Variants in ERGIC1 observed in about 807,000 individuals in gnomAD.
ERGIC1 encodes endoplasmic reticulum-Golgi intermediate compartment protein 1.
In ERGIC1, 19 loss-of-function variants were observed where a neutral mutation model predicts 38.3. The ratio of observed to expected loss-of-function variants is 0.50; its 90% confidence interval spans 0.35 to 0.73. The LOEUF is 0.73. ERGIC1 is among the 30% of genes least tolerant of loss of function. The probability of loss-of-function intolerance (pLI) is 0.01; values close to 1 mark genes in which losing one functional copy is unlikely to be tolerated. For missense variants in ERGIC1, 294 were observed against 389.2 expected (o/e 0.76, Z 2.06); for synonymous variants, 124 against 157.6 (o/e 0.79, Z 1.60).
At chr5:172,873,325 C>T (rs1025996254) in intron 1 of ERGIC1, among the ~76,000 whole-genome samples, 10 of 152,232 alleles carry the variant, frequency 6.6e-5, no homozygotes, top group Non-Finnish European at 8.8e-5. Context: ...CCTTGACAAG[C>T]GGGAAGCCTG....
intron 1 of ERGIC1, among the ~76,000 whole-genome samples, chr5:172,852,503 G>T (rs532294721): frequency 3.5e-4 from 53 of 152,336 alleles, no homozygotes; most frequent in African/African-American, 1.3e-3. Context: ...AGAGACCAGT[G>T]ATTAAGAGCT....
intron 9 of ERGIC1, among the ~76,000 whole-genome samples, chr5:172,950,411 C>G (rs981273224): frequency 6.6e-6 from 1 of 152,212 alleles, no homozygotes; most frequent in African/African-American, 2.4e-5. Context: ...CCTCAGTTTC[C>G]TCCGCTGTGA....
At position 172,914,444 on chromosome 5, in the gene ERGIC1, C is replaced by T. The variant is rs147659921; in HGVS notation, c.251-270C>T. ...ACTGAGGCATCCAGAGGTTAAGTAC[C>T]TGAGGCAGGACCCAGATTCAGAGGA... On this transcript the variant is annotated intron_variant, in intron 4 of 9. Transcript: ENST00000393784. 2.8e-3 allele frequency: 1,536 copies of T among 556,364 alleles called. 20 individuals are homozygous for T. Among genetic ancestry groups the T allele is most frequent in the East Asian group, 9.0e-3 (288 of 31,994 alleles). 34.5% of individuals were successfully genotyped at this position (556,364 alleles called of 1,614,324 possible).
At chr5:172,895,868 T>G (rs1270963730) in intron 2 of ERGIC1, among the ~76,000 whole-genome samples, 6 of 151,408 alleles carry the variant, frequency 4.0e-5, no homozygotes, top group Non-Finnish European at 8.8e-5. Context: ...TTGTGGGGAG[T>G]GTCAGGAGAT....
At chr5:172,944,607 C>G (rs891089717) in intron 9 of ERGIC1, among the ~76,000 whole-genome samples, 16 of 152,266 alleles carry the variant, frequency 1.1e-4, no homozygotes, top group Non-Finnish European at 1.9e-4. Context: ...GATCCACCCA[C>G]CTCGGCCTCC....
intron 2 of ERGIC1, among the ~76,000 whole-genome samples, 167 bp downstream of exon 2, chr5:172,888,927 C>G (rs1479782248): frequency 6.6e-6 from 1 of 152,194 alleles, no homozygotes; most frequent in East Asian, 1.9e-4. Flanking sequence ...CACTTACTCT[C>G]TATCCTCACT....
intron 1 of ERGIC1, among the ~76,000 whole-genome samples, chr5:172,882,876 A>G (rs1161384657): frequency 2.0e-5 from 3 of 152,140 alleles, no homozygotes; most frequent in Non-Finnish European, 4.4e-5. Context: ...TCAGGTGCCT[A>G]CAAGGACCAG....
intron 1 of ERGIC1, 70 bp from the exon 2 acceptor site, chr5:172,888,629 C>A: frequency 8.1e-7 from 1 of 1,237,052 alleles, no homozygotes; most frequent in Non-Finnish European, 1.2e-6. Flanking sequence ...CACAAGCCAG[C>A]ACCACTGCCT....
chr5:172,884,929 G>A (rs1367712225), intron 1 of ERGIC1, among the ~76,000 whole-genome samples: 3 of 151,942 alleles, frequency 2.0e-5, no homozygotes, highest in Admixed American at 2.0e-4. Flanking sequence ...TTCCCTGACA[G>A]TGAGGCACCT....
chr5:172,834,356 C>A lies in ERGIC1; in HGVS notation c.-58C>A. 8.0e-7 allele frequency: 1 copy of A among 1,251,694 alleles called. No homozygotes were observed. Among genetic ancestry groups the A allele is most frequent in the Non-Finnish European group, 1.0e-6 (1 of 998,208 alleles). The allele number at this position is 1,251,694 out of a possible 1,614,324, so 77.5% of individuals were successfully genotyped here. On this transcript the variant is annotated 5_prime_UTR_variant, in exon 1 of 10. Transcript: ENST00000393784. This position sits in a 1 kb window ranked among gnomAD's most constrained non-coding sequence, Gnocchi z 4.1. ...AGGAGGCGTTGGCAGCGGGCTCGGA[C>A]CCACGCGGCGCCGCGGCCCGCCTGG...
At chr5:172,905,799 A>G (rs992790641) in intron 3 of ERGIC1, among the ~76,000 whole-genome samples, 1 of 152,214 alleles carries the variant, frequency 6.6e-6, no homozygotes, top group African/African-American at 2.4e-5. Flanking sequence ...GAACTCCCAT[A>G]CAAAGGAGGG....
chr5:172,935,054 G>A, intron 8 of ERGIC1, 134 bp from the exon 9 acceptor site: 1 of 1,286,978 alleles, frequency 7.8e-7, no homozygotes, highest in East Asian at 2.3e-5. Flanking sequence ...AGAGGGAGTG[G>A]GGGAGTCTGG....
In ERGIC1 at chr5:172,837,077, C is replaced by T. The variant is rs1761054874; in HGVS notation, c.20+2644C>T. On this transcript the variant is annotated intron_variant, in intron 1 of 9. Coordinates refer to ENST00000393784, the MANE Select transcript of ERGIC1 (RefSeq NM_001031711.3). This position sits in a 1 kb window ranked among gnomAD's most constrained non-coding sequence, Gnocchi z 4.3. Reference sequence around the variant, plus strand: ...ATTGTGGGGAGTGGAGAGGGGTATACCGTGATTAGACCTCCTCCCCCAGTT... The same window carrying T: ...ATTGTGGGGAGTGGAGAGGGGTATATCGTGATTAGACCTCCTCCCCCAGTT... 6.6e-6 allele frequency among the ~76,000 whole-genome samples: 1 copy of T among 152,084 alleles called. No individual in the cohort carries two copies. Among genetic ancestry groups the T allele is most frequent in the Admixed American group, 6.6e-5 (1 of 15,256 alleles).
At chr5:172,928,357 C>T (rs1374721901) in intron 7 of ERGIC1, among the ~76,000 whole-genome samples, 1 of 152,210 alleles carries the variant, frequency 6.6e-6, no homozygotes, top group Admixed American at 6.5e-5. Context: ...CTCCCAAGCT[C>T]AGTCCCTGGC....
At chr5:172,840,193 G>C (rs1561696866) in intron 1 of ERGIC1, among the ~76,000 whole-genome samples, 2 of 152,226 alleles carry the variant, frequency 1.3e-5, no homozygotes, top group East Asian at 3.9e-4. Flanking sequence ...AGAGCATCAT[G>C]TTTACCTGCT....
chr5:172,893,952 T>C, intron 2 of ERGIC1, among the ~76,000 whole-genome samples: 2 of 124,110 alleles, frequency 1.6e-5, no homozygotes, highest in African/African-American at 6.1e-5. Context: ...TATATATATA[T>C]ATTTAAATGT....
intron 1 of ERGIC1, among the ~76,000 whole-genome samples, chr5:172,840,184 G>A (rs1761126480): frequency 6.6e-6 from 1 of 152,140 alleles, no homozygotes; most frequent in African/African-American, 2.4e-5. Flanking sequence ...TTCCAGCTTA[G>A]AGCATCATGT....
rs370041446 is a variant in ERGIC1, at chr5:172,893,703, A to G, written c.83-3299A>G. The stretch of plus-strand genomic sequence containing the variant: ...CTGATCTCTTCCAGTGGATTTGTTC[A>G]GCAGCTGGAGAAAACAATTTGAAAT... On this transcript the variant is annotated intron_variant, in intron 2 of 9. Transcript: ENST00000393784. Among the ~76,000 whole-genome samples, 11 of 151,584 alleles carry G rather than the reference A, an allele frequency of 7.3e-5. No individual in the cohort carries two copies. The South Asian group carries it at 1.0e-3, about 14-fold the overall frequency.
chr5:172,914,462 T>C (rs1763298117), intron 4 of ERGIC1: 1 of 578,840 alleles, frequency 1.7e-6, no homozygotes, highest in Non-Finnish European at 3.1e-6. Flanking sequence ...GGACCCAGAT[T>C]CAGAGGACCA....
Sources: allele counts gnomAD v4.1 joint callset (sites outside exome capture counted in the v4.1 genomes callset), GRCh38; gene constraint gnomAD v4.1.1; non-coding constraint Gnocchi (gnomAD v3.1); transcripts MANE v1.5; gene names NCBI Gene and HGNC (gene_info 2026-07-23, HGNC 2026-07-21).